PCDH15: variants seen among roughly 807,000 people sequenced by gnomAD.
The protein encoded by PCDH15 is protocadherin-15.
PCDH15 carries 129 observed loss-of-function variants against 178.5 expected under a neutral mutation model. The observed-to-expected ratio is 0.72, with a 90% CI of 0.63 to 0.84. PCDH15 has a LOEUF of 0.84. PCDH15 is among the 40% of genes least tolerant of loss of function. The probability of loss-of-function intolerance (pLI) is 0.00; values close to 1 mark genes in which losing one functional copy is unlikely to be tolerated. For missense variants in PCDH15, 2,230 were observed against 2,099.9 expected, an observed-to-expected ratio of 1.06 and a Z score of -1.21; for synonymous variants, 800 against 732.0, an observed-to-expected ratio of 1.09 and a Z score of -1.50.
intron 3 of PCDH15, among the ~76,000 whole-genome samples, chr10:54,865,428 G>C (rs1953922148): frequency 1.3e-5 from 2 of 152,146 alleles, no homozygotes; most frequent in South Asian, 4.1e-4. Context: ...TACTTTTGAG[G>C]ATTTGGAACT....
chr10:53,990,967 A>G (rs2926405), intron 21 of PCDH15, among the ~76,000 whole-genome samples: 14,520 of 152,160 alleles, frequency 0.095, 1,221 homozygotes, highest in African/African-American at 0.22. Flanking sequence ...CGGCAGCTGC[A>G]GAGGGTGCAC....
At chr10:54,168,674 A>C (rs1264037821) in intron 13 of PCDH15, among the ~76,000 whole-genome samples, 2 of 151,758 alleles carry the variant, frequency 1.3e-5, no homozygotes, top group Middle Eastern at 3.2e-3. Context: ...GCTCTTTTTC[A>C]TCAAATATAA....
At chr10:54,909,884 T>G (rs1954789674) in intron 2 of PCDH15, among the ~76,000 whole-genome samples, 1 of 152,030 alleles carries the variant, frequency 6.6e-6, no homozygotes, top group Non-Finnish European at 1.5e-5. Flanking sequence ...GCCAGGCCCC[T>G]CACGATGGCT....
intron 8 of PCDH15, among the ~76,000 whole-genome samples, chr10:54,315,415 G>A (rs1157166300): frequency 6.6e-6 from 1 of 152,148 alleles, no homozygotes; most frequent in South Asian, 2.1e-4. Context: ...ATTCCTCATA[G>A]ATGCTGGATA....
At chr10:54,048,651 A>G (rs2135589738) in intron 18 of PCDH15, among the ~76,000 whole-genome samples, 1 of 152,218 alleles carries the variant, frequency 6.6e-6, no homozygotes, top group South Asian at 2.1e-4. Flanking sequence ...TTGAATAGGA[A>G]GTCCTTTTCT....
intron 2 of PCDH15, among the ~76,000 whole-genome samples, chr10:54,934,240 C>T (rs1364677102): frequency 6.6e-6 from 1 of 151,972 alleles, no homozygotes; most frequent in African/African-American, 2.4e-5. Flanking sequence ...AATTTATCTT[C>T]ATATGTTCTT....
chr10:54,849,384 T>C (rs533688009), intron 3 of PCDH15, among the ~76,000 whole-genome samples: 8 of 152,326 alleles, frequency 5.3e-5, no homozygotes, highest in South Asian at 2.1e-4. Flanking sequence ...CCGACCTTTT[T>C]CCAAATCTCT....
chr10:54,330,437 G>C (rs944454392), intron 6 of PCDH15, among the ~76,000 whole-genome samples: 1 of 151,750 alleles, frequency 6.6e-6, no homozygotes, highest in African/African-American at 2.4e-5. Flanking sequence ...ACATAGAAAA[G>C]GTATAGTAGA....
rs542002360 is a variant in PCDH15 at position 54,944,249 on chromosome 10, G to A, written c.-79-46749C>T. Among the ~76,000 whole-genome samples, 198 of 152,050 alleles carry A rather than the reference G, an allele frequency of 1.3e-3. 1 individual carries two copies. Among genetic ancestry groups the A allele is most frequent in the African/African-American group, 4.6e-3 (190 of 41,542 alleles). Reference sequence around the variant, plus strand: ...AGGTTGAGAAAGGGTTTGACAAAATGTAGCTCTATTTCCCCACAGCCTGCA... The same window carrying A: ...AGGTTGAGAAAGGGTTTGACAAAATATAGCTCTATTTCCCCACAGCCTGCA... On this transcript the variant is annotated intron_variant, in intron 2 of 5. Coordinates refer to the PCDH15 transcript ENST00000458638.
At chr10:54,016,693 A>T (rs1043576363) in intron 20 of PCDH15, among the ~76,000 whole-genome samples, 15 of 152,168 alleles carry the variant, frequency 9.9e-5, no homozygotes, top group Admixed American at 5.2e-4. Flanking sequence ...GTACATAGGG[A>T]CACAAAGATG....
chr10:54,906,703 T>C (rs907766241), intron 2 of PCDH15, among the ~76,000 whole-genome samples: 2 of 152,044 alleles, frequency 1.3e-5, no homozygotes, highest in Non-Finnish European at 2.9e-5. Flanking sequence ...ATTCAAAAGG[T>C]AAGAGAGGTT....
chr10:54,147,608 T>C (rs1564532342), intron 14 of PCDH15, among the ~76,000 whole-genome samples: 1 of 151,908 alleles, frequency 6.6e-6, no homozygotes, highest in Non-Finnish European at 1.5e-5. Flanking sequence ...ACCAGATTTA[T>C]TTAGCACAAC....
chr10:55,343,676 T>C (rs1196751263), intron 2 of PCDH15, among the ~76,000 whole-genome samples: 1 of 152,062 alleles, frequency 6.6e-6, no homozygotes, highest in Non-Finnish European at 1.5e-5. Context: ...AATATGTGTA[T>C]TGACTGGTGG....
chr10:55,333,147 A>G (rs1844258907), intron 2 of PCDH15, among the ~76,000 whole-genome samples: 1 of 152,178 alleles, frequency 6.6e-6, no homozygotes, highest in African/African-American at 2.4e-5. Flanking sequence ...ACAAACTTGA[A>G]CCCAATTATA....
At chr10:54,365,994 T>C (rs1024613548) in intron 5 of PCDH15, among the ~76,000 whole-genome samples, 11 of 152,154 alleles carry the variant, frequency 7.2e-5, no homozygotes, top group Non-Finnish European at 1.2e-4. Flanking sequence ...ATGTAAATCA[T>C]ATTTATTTGT....
At chr10:54,729,518 A>G (rs1312901912) in intron 1 of PCDH15, among the ~76,000 whole-genome samples, 1 of 151,778 alleles carries the variant, frequency 6.6e-6, no homozygotes, top group African/African-American at 2.4e-5. Context: ...CTACGACTAC[A>G]AAAGCAATTG....
intron 2 of PCDH15, among the ~76,000 whole-genome samples, chr10:55,452,087 AT>A (rs1273120280): frequency 1.6e-4 from 25 of 152,134 alleles, no homozygotes; most frequent in African/African-American, 5.3e-4. Flanking sequence ...TTGTCTTTCC[AT>A]TTTTGCATAC....
chr10:54,743,344 T>C (rs1365579796), intron 1 of PCDH15, among the ~76,000 whole-genome samples: 3 of 152,054 alleles, frequency 2.0e-5, no homozygotes, highest in Non-Finnish European at 4.4e-5. Flanking sequence ...TATAGTAGTA[T>C]TGAAGAATAT....
At chr10:54,507,177 G>A (rs150298264) in intron 3 of PCDH15, among the ~76,000 whole-genome samples, 90 of 151,818 alleles carry the variant, frequency 5.9e-4, no homozygotes, top group African/African-American at 1.6e-3. Flanking sequence ...TTTACTCTAC[G>A]CAAGCACTTT....
Sources: gnomAD v4.1 joint callset for allele counts (sites outside exome capture counted in the v4.1 genomes callset) on GRCh38, gnomAD v4.1.1 for gene constraint, MANE v1.5 for transcripts, NCBI Gene and HGNC (gene_info 2026-07-23, HGNC 2026-07-21) for gene names.